CPVL: variants seen among roughly 807,000 people sequenced by gnomAD.
The protein encoded by CPVL is probable serine carboxypeptidase CPVL.
Under a neutral mutation model 63.7 loss-of-function variants are expected in CPVL, and 51 were observed. The ratio of observed to expected loss-of-function variants is 0.80; its 90% CI spans 0.64 to 1.01. CPVL has a LOEUF of 1.01. Ranked by LOEUF, CPVL falls within the 50% of genes least tolerant of loss-of-function variation. CPVL has a pLI of 0.00. For missense variants in CPVL, 530 were observed against 573.1 expected, an observed-to-expected ratio of 0.92 and a Z score of 0.77; for synonymous variants, 195 against 206.0, an observed-to-expected ratio of 0.95 and a Z score of 0.46.
chr7:29,158,950 A>G (rs1284641676), intron 5 of CPVL, among the ~76,000 whole-genome samples: 2 of 152,250 alleles, frequency 1.3e-5, no homozygotes, highest in Non-Finnish European at 2.9e-5. Flanking sequence ...TGATTTCCAA[A>G]TAAGATACCC....
At chr7:29,193,827 C>A (rs987740576) in intron 1 of CPVL, 3 of 152,200 alleles carry the variant, frequency 2.0e-5, no homozygotes, top group African/African-American at 7.2e-5. Context: ...CTCTTTGACA[C>A]CAGCTTTGTG....
chr7:29,181,505 C>G (rs1432315046), intron 4 of CPVL: 1 of 152,068 alleles, frequency 6.6e-6, no homozygotes, highest in Non-Finnish European at 1.5e-5. Flanking sequence ...GTGAAACAAC[C>G]TAAATTTCAA....
At chr7:29,009,035 T>G (rs1483834538) in intron 12 of CPVL, 1 of 150,944 alleles carries the variant, frequency 6.6e-6, no homozygotes, top group African/African-American at 2.4e-5. Flanking sequence ...ACTTTCTGAT[T>G]TTTTTTTTGA....
chr7:29,113,157 A>C (rs1350354581), intron 2 of CPVL, among the ~76,000 whole-genome samples: 1 of 152,026 alleles, frequency 6.6e-6, no homozygotes, highest in Non-Finnish European at 1.5e-5. Context: ...CAAGGTGATC[A>C]CCTTGGGCCA....
At chr7:29,021,684 A>G (rs1394419987) in intron 12 of CPVL, among the ~76,000 whole-genome samples, 1 of 152,010 alleles carries the variant, frequency 6.6e-6, no homozygotes, top group Non-Finnish European at 1.5e-5. Flanking sequence ...ACTAGTATAA[A>G]GAGATGCCTG....
At chr7:29,104,783 G>C (rs554278734) in intron 3 of CPVL, among the ~76,000 whole-genome samples, 96 of 152,312 alleles carry the variant, frequency 6.3e-4, no homozygotes, top group African/African-American at 2.2e-3. Context: ...GAATAGGGAA[G>C]TGGGCGGATG....
chr7:29,037,568 A>AAAAAG lies in CPVL; in HGVS notation c.1138-6814_1138-6810dup, dbSNP rs1166422400. ...ACTCCATCTCAAAAAAAAAAAAAAAAAAAAGAAAAGAAAAGAAAAGCACAT... is the reference window on the plus strand; with the variant it reads ...ACTCCATCTCAAAAAAAAAAAAAAAAAAAAGAAAAGAAAAGAAAAGAAAAGCACAT... On this transcript the variant is annotated intron_variant, in intron 11 of 12. Coordinates refer to ENST00000265394, the MANE Select transcript of CPVL (RefSeq NM_031311.5). Among the ~76,000 whole-genome samples, 39 of 141,654 alleles carry AAAAAG rather than the reference A, an allele frequency of 2.8e-4. 1 individual carries two copies. Among genetic ancestry groups the AAAAAG allele is most frequent in the African/African-American group, 8.6e-4 (30 of 35,024 alleles). The allele number at this position is 141,654 out of a possible 152,430, so 92.9% of individuals were successfully genotyped here.
At chr7:29,172,278 C>T (rs1347020310) in intron 5 of CPVL, among the ~76,000 whole-genome samples, 2 of 152,176 alleles carry the variant, frequency 1.3e-5, no homozygotes, top group Non-Finnish European at 2.9e-5. Context: ...TTGCTGTGGG[C>T]ATCACAGCTG....
chr7:29,074,498 T>C (rs1784045217), intron 7 of CPVL, among the ~76,000 whole-genome samples: 1 of 152,156 alleles, frequency 6.6e-6, no homozygotes, highest in South Asian at 2.1e-4. Context: ...ATAGTCTTTA[T>C]TCAATGATAG....
intron 11 of CPVL, among the ~76,000 whole-genome samples, chr7:29,034,690 G>A (rs1788347828): frequency 6.6e-6 from 1 of 151,564 alleles, no homozygotes. Flanking sequence ...TAGAGACCAG[G>A]TTATGAGACT....
chr7:29,002,738 T>C (rs1183920257), intron 12 of CPVL, among the ~76,000 whole-genome samples: 4 of 151,960 alleles, frequency 2.6e-5, no homozygotes, highest in Non-Finnish European at 4.4e-5. Flanking sequence ...TCATTGTTCA[T>C]TGAAATTAAG....
intron 12 of CPVL, among the ~76,000 whole-genome samples, chr7:29,015,237 T>A (rs1486538916): frequency 6.6e-6 from 1 of 152,192 alleles, no homozygotes; most frequent in African/African-American, 2.4e-5. Flanking sequence ...TGCTGCCAAA[T>A]ATTCTGTCCA....
At chr7:29,038,139 C>T (rs571630563) in intron 11 of CPVL, among the ~76,000 whole-genome samples, 1 of 152,278 alleles carries the variant, frequency 6.6e-6, no homozygotes, top group East Asian at 1.9e-4. Context: ...GTTGTTGTAA[C>T]TGTTTTTCCA....
chr7:28,996,716 T>C (rs561288632), intron 12 of CPVL, among the ~76,000 whole-genome samples: 2 of 152,190 alleles, frequency 1.3e-5, no homozygotes, highest in African/African-American at 4.8e-5. Flanking sequence ...TTTTGAGTCA[T>C]GAACTTTCAC....
At chr7:29,092,834 C>A in intron 5 of CPVL, 132 bp from the exon 6 acceptor site, 1 of 683,908 alleles carries the variant, frequency 1.5e-6, no homozygotes, top group Non-Finnish European at 2.6e-6. Context: ...TGCCGTTGCC[C>A]CCCTATGCCT....
At chr7:29,055,414 T>C (rs982306079) in intron 11 of CPVL, among the ~76,000 whole-genome samples, 1 of 152,112 alleles carries the variant, frequency 6.6e-6, no homozygotes, top group Non-Finnish European at 1.5e-5. Flanking sequence ...CATACCTGGC[T>C]AATTTTTTAC....
intron 4 of CPVL, among the ~76,000 whole-genome samples, chr7:29,181,724 T>G (rs926553600): frequency 5.3e-5 from 8 of 152,212 alleles, no homozygotes; most frequent in African/African-American, 1.4e-4. Flanking sequence ...CTAAATAAAG[T>G]AGACACTAAT....
chr7:29,022,492 A>C (rs538905403), intron 12 of CPVL, among the ~76,000 whole-genome samples: 1 of 152,306 alleles, frequency 6.6e-6, no homozygotes, highest in Non-Finnish European at 1.5e-5. Flanking sequence ...CACATATGCC[A>C]TCTAGAGGCC....
chr7:29,144,244 T>A (rs1792207057), intron 1 of CPVL, among the ~76,000 whole-genome samples: 1 of 152,208 alleles, frequency 6.6e-6, no homozygotes, highest in Non-Finnish European at 1.5e-5. Flanking sequence ...GTTTGCTCTT[T>A]AGTGAACCAT....
Sources: gnomAD v4.1 joint callset for allele counts (sites outside exome capture counted in the v4.1 genomes callset) on GRCh38, gnomAD v4.1.1 for gene constraint, MANE v1.5 for transcripts, NCBI Gene and HGNC (gene_info 2026-07-23, HGNC 2026-07-21) for gene names.